Variants in C12orf42 observed in about 807,000 individuals in gnomAD.
C12orf42 encodes chromosome 12 open reading frame 42.
C12orf42 carries 25 observed loss-of-function variants against 21.6 expected under a neutral mutation model. The ratio of observed to expected loss-of-function variants is 1.16; its 90% CI spans 0.84 to 1.62. The LOEUF (loss-of-function observed/expected upper bound fraction) is 1.62, where lower values mean the gene tolerates loss of function less well. Among genes scored for constraint, C12orf42 ranks in the 40% most tolerant of loss-of-function variants. The pLI is 0.00. For missense variants in C12orf42, 483 were observed against 459.3 expected, an observed-to-expected ratio of 1.05 and a Z score of -0.47; for synonymous variants, 174 against 175.0, an observed-to-expected ratio of 0.99 and a Z score of 0.05.
At chr12:103,204,286 A>C in the C12orf42 span, among the ~76,000 whole-genome samples, 1 of 152,150 alleles carries the variant, frequency 6.6e-6, no homozygotes, top group Non-Finnish European at 1.5e-5. Flanking sequence ...TCTTTAAAAA[A>C]TCCCATTACA....
At chr12:103,337,047 AC>A (rs1307494111) in intron 4 of C12orf42, among the ~76,000 whole-genome samples, 1 of 152,198 alleles carries the variant, frequency 6.6e-6, no homozygotes, top group Non-Finnish European at 1.5e-5. Context: ...CTGCTGCCTA[AC>A]CAAAAAATGT....
At chr12:103,551,986 G>A in the C12orf42 span, among the ~76,000 whole-genome samples, 1 of 152,084 alleles carries the variant, frequency 6.6e-6, no homozygotes, top group Non-Finnish European at 1.5e-5. Context: ...ATGAAATTGA[G>A]CCTTGGCTCA....
At chr12:103,137,606 G>A in the C12orf42 span, among the ~76,000 whole-genome samples, 1 of 152,108 alleles carries the variant, frequency 6.6e-6, no homozygotes, top group South Asian at 2.1e-4. Context: ...CAATAGCAAA[G>A]ACATGAAATC....
chr12:103,421,671 A>T (rs929822786), intron 2 of C12orf42, among the ~76,000 whole-genome samples: 1 of 152,154 alleles, frequency 6.6e-6, no homozygotes, highest in Non-Finnish European at 1.5e-5. Flanking sequence ...TCAAAAAAAG[A>T]ACTAATATTC....
intron 5 of C12orf42, among the ~76,000 whole-genome samples, chr12:103,305,352 C>T (rs1269797286): frequency 6.6e-6 from 1 of 152,116 alleles, no homozygotes; most frequent in Non-Finnish European, 1.5e-5. Context: ...CCCATTAAGC[C>T]CTTACTATGT....
At chr12:103,388,223 G>T (rs1327756952) in intron 3 of C12orf42, among the ~76,000 whole-genome samples, 1 of 152,158 alleles carries the variant, frequency 6.6e-6, no homozygotes, top group Non-Finnish European at 1.5e-5. Flanking sequence ...GGCCTCTGGA[G>T]AGTCTCTTCC....
the C12orf42 span, among the ~76,000 whole-genome samples, chr12:103,560,663 C>T: frequency 1.3e-5 from 2 of 152,166 alleles, no homozygotes; most frequent in Non-Finnish European, 2.9e-5. Flanking sequence ...AGTGGTCAGT[C>T]ACCAACAGGA....
At chr12:103,527,607 C>T in the C12orf42 span, among the ~76,000 whole-genome samples, 1 of 152,168 alleles carries the variant, frequency 6.6e-6, no homozygotes, top group Non-Finnish European at 1.5e-5. Flanking sequence ...TTCCTTCCTT[C>T]CTGATACAAT....
At chr12:103,442,367 C>T (rs558625358) in intron 2 of C12orf42, among the ~76,000 whole-genome samples, 15 of 152,126 alleles carry the variant, frequency 9.9e-5, no homozygotes, top group African/African-American at 3.4e-4. Context: ...TGAACAATGA[C>T]GTTTGCATGC....
the C12orf42 span, among the ~76,000 whole-genome samples, chr12:103,098,975 T>C: frequency 4.6e-5 from 7 of 151,944 alleles, no homozygotes; most frequent in Non-Finnish European, 1.0e-4. Context: ...GTAACAAAGA[T>C]AACAGATATA....
chr12:103,279,038 G>A (rs1039513236), intron 4 of C12orf42, among the ~76,000 whole-genome samples: 4 of 152,122 alleles, frequency 2.6e-5, no homozygotes, highest in African/African-American at 7.2e-5. Flanking sequence ...CTGCATTGTT[G>A]CCTAAGGCAG....
the C12orf42 span, among the ~76,000 whole-genome samples, chr12:103,070,367 C>T: frequency 6.6e-6 from 1 of 151,952 alleles, no homozygotes; most frequent in South Asian, 2.1e-4. Context: ...AGTGCCTCAC[C>T]CACCCTGCAA....
chr12:103,348,888 T>C (rs963680154), intron 4 of C12orf42, among the ~76,000 whole-genome samples: 3 of 152,118 alleles, frequency 2.0e-5, no homozygotes, highest in African/African-American at 7.2e-5. Flanking sequence ...GATGAATAAA[T>C]TGAATAATCA....
intron 3 of C12orf42, among the ~76,000 whole-genome samples, chr12:103,374,296 C>T (rs2045510524): frequency 6.6e-6 from 1 of 152,116 alleles, no homozygotes; most frequent in South Asian, 2.1e-4. Context: ...AAAGCAAATG[C>T]CCAGATCTGA....
chr12:103,281,548 G>A (rs1228048483), intron 4 of C12orf42, among the ~76,000 whole-genome samples: 2 of 152,066 alleles, frequency 1.3e-5, no homozygotes, highest in African/African-American at 4.8e-5. Context: ...AGTAGAGACG[G>A]GGTTTCACCA....
rs189406450 is a variant in C12orf42 at position 103,288,663 on chromosome 12, C to T, written n.338-11453G>A. Among the ~76,000 whole-genome samples, 558 of 152,200 alleles carry T rather than the reference C, an allele frequency of 3.7e-3. 5 individuals carry two copies. Among genetic ancestry groups the T allele is most frequent in the African/African-American group, 0.012 (508 of 41,524 alleles). On this transcript the variant is annotated intron_variant and non_coding_transcript_variant, in intron 4 of 6. Transcript: ENST00000546526. ...GTAAACCACATGCCACTATGTTAGA[C>T]GTGTAAAAGATTTTGCCCTTCATTC... is the stretch of plus-strand genomic sequence containing the variant.
At chr12:103,264,979 T>C (rs1228088148), downstream of C12orf42, among the ~76,000 whole-genome samples, 1 of 152,154 alleles carries the variant, frequency 6.6e-6, no homozygotes, top group East Asian at 1.9e-4. Context: ...TTCTTAACAA[T>C]AGAAATTCAT....
intron 10 of C12orf42, among the ~76,000 whole-genome samples, chr12:103,259,612 G>C (rs1463869991): frequency 6.6e-6 from 1 of 152,162 alleles, no homozygotes; most frequent in African/African-American, 2.4e-5. Flanking sequence ...AGGATGTTCA[G>C]TTTTTATATA....
downstream of C12orf42, among the ~76,000 whole-genome samples, chr12:103,297,632 C>G (rs1392819407): frequency 3.3e-5 from 5 of 152,000 alleles, no homozygotes; most frequent in Admixed American, 6.5e-5. Context: ...GATACCAAAG[C>G]CTGGCAGAGA....
Sources: gnomAD v4.1 joint callset for allele counts (sites outside exome capture counted in the v4.1 genomes callset) on GRCh38, gnomAD v4.1.1 for gene constraint, MANE v1.5 for transcripts, NCBI Gene and HGNC (gene_info 2026-07-23, HGNC 2026-07-21) for gene names.